The following EEF1AKMT1 variants were observed in gnomAD, a reference collection of about 807,000 sequenced individuals.
The protein encoded by EEF1AKMT1 is EEF1A lysine methyltransferase 1, also known as N-6 adenine-specific DNA methyltransferase 2 (putative).
In EEF1AKMT1, 18 loss-of-function variants were observed where a neutral mutation model predicts 21.0. That is an observed-to-expected ratio of 0.86 (90% CI 0.59 to 1.27). The LOEUF is 1.27. EEF1AKMT1 is among the 50% of genes most tolerant of loss of function. The probability of loss-of-function intolerance (pLI) is 0.00; values close to 1 mark genes in which losing one functional copy is unlikely to be tolerated. For missense variants in EEF1AKMT1, 246 were observed against 258.6 expected, an observed-to-expected ratio of 0.95 and a Z score of 0.33; for synonymous variants, 109 against 94.8, an observed-to-expected ratio of 1.15 and a Z score of -0.87.
intron 4 of EEF1AKMT1, among the ~76,000 whole-genome samples, chr13:20,730,571 A>T (rs2058786917): frequency 6.6e-6 from 1 of 152,176 alleles, no homozygotes. Flanking sequence ...GCACCATCAG[A>T]GCTCACTGTA....
chr13:20,731,820 G>C, intron 4 of EEF1AKMT1, 21 bp downstream of exon 4: 2 of 1,598,340 alleles, frequency 1.3e-6, no homozygotes, highest in Non-Finnish European at 1.7e-6. Flanking sequence ...ACTTTGATGA[G>C]ATATGAAATG....
intron 4 of EEF1AKMT1, among the ~76,000 whole-genome samples, chr13:20,730,806 G>C (rs1439933452): frequency 6.6e-6 from 1 of 152,174 alleles, no homozygotes; most frequent in African/African-American, 2.4e-5. Context: ...ACAAACGAGG[G>C]AATAAAAGCT....
chr13:20,750,585 T>C (rs1163130487), intron 2 of EEF1AKMT1, among the ~76,000 whole-genome samples: 3 of 152,202 alleles, frequency 2.0e-5, no homozygotes, highest in Non-Finnish European at 2.9e-5. Flanking sequence ...TCTTTATCCA[T>C]TAATTTATTG....
chr13:20,754,930 G>A (rs555255791), intron 2 of EEF1AKMT1, among the ~76,000 whole-genome samples: 1 of 151,942 alleles, frequency 6.6e-6, no homozygotes, highest in East Asian at 1.9e-4. Flanking sequence ...GCCACTTATG[G>A]TTTTCCTTTA....
rs1308858151 is a variant in EEF1AKMT1, at chr13:20,732,040, T to G, written c.309A>C (p.Glu103Asp). 1 of 1,614,238 alleles carries G rather than the reference T, an allele frequency of 6.2e-7. No homozygotes were observed. Among genetic ancestry groups the G allele is most frequent in the Non-Finnish European group, 8.5e-7 (1 of 1,180,048 alleles). The change falls in exon 4 of 5, where the codon GAA becomes GAC. Residue 103 changes from glutamate (E) to aspartate (D), a missense_variant. Coordinates refer to ENST00000382758, the MANE Select transcript of EEF1AKMT1 (RefSeq NM_001318939.2). Reference sequence around the variant, plus strand: ...CATACATGGCAAATCTTTTGTCATATTCAAAGATGTATATCGAAAAGTTTT... The same window carrying G: ...CATACATGGCAAATCTTTTGTCATAGTCAAAGATGTATATCGAAAAGTTTT... Reference protein sequence around the residue: ...CRENFSIYIFEYDKRFAMYGE... With the variant: ...CRENFSIYIFDYDKRFAMYGE...
Position 20,731,998 on chromosome 13 carries a change from G to A in EEF1AKMT1, c.351C>T (p.Phe117=), listed in dbSNP as rs1488882254. The A allele has an allele frequency of 1.9e-6, 3 of 1,614,188 alleles. No individual in the cohort carries two copies. ...AGTCCAATGGATTATTGTAATCATA[G>A]AAAATAAACTCCTCTCCATACATGG... is the stretch of plus-strand genomic sequence containing the variant. ...RFAMYGEEFI[F]YDYNNPLDLP... Residue 117 remains phenylalanine (F), a synonymous_variant, in exon 4 of 5, where the codon TTC becomes TTT. Transcript: ENST00000382758.
At chr13:20,745,603 C>G (rs1180651670) in intron 2 of EEF1AKMT1, among the ~76,000 whole-genome samples, 2 of 152,174 alleles carry the variant, frequency 1.3e-5, no homozygotes, top group African/African-American at 4.8e-5. Flanking sequence ...GTAATCCCAG[C>G]ACTTTGGGAG....
intron 2 of EEF1AKMT1, among the ~76,000 whole-genome samples, chr13:20,741,216 C>T (rs568311550): frequency 1.2e-4 from 18 of 151,688 alleles, no homozygotes; most frequent in Non-Finnish European, 1.8e-4. Context: ...AAGCAGAAAT[C>T]GGCCCATGAG....
At chr13:20,731,160 T>A (rs948336531) in intron 4 of EEF1AKMT1, among the ~76,000 whole-genome samples, 1 of 146,266 alleles carries the variant, frequency 6.8e-6, no homozygotes, top group Admixed American at 6.9e-5. Context: ...GGGAGGCCCA[T>A]GCAACCACAC....
At chr13:20,748,726 GTTTTT>G (rs750094631) in intron 2 of EEF1AKMT1, among the ~76,000 whole-genome samples, 1 of 72,612 alleles carries the variant, frequency 1.4e-5, no homozygotes, top group Non-Finnish European at 2.2e-5. Context: ...TTTTTTTTTG[GTTTTT>G]TTTTTTTTTT....
chr13:20,744,030 C>G (rs953366404), intron 2 of EEF1AKMT1, among the ~76,000 whole-genome samples: 1 of 152,100 alleles, frequency 6.6e-6, no homozygotes, highest in African/African-American at 2.4e-5. Flanking sequence ...TGAACTCATC[C>G]TTTTTTATGG....
chr13:20,770,395 A>T (rs1029669226), intron 1 of EEF1AKMT1, among the ~76,000 whole-genome samples: 7 of 152,180 alleles, frequency 4.6e-5, no homozygotes, highest in African/African-American at 1.7e-4. Flanking sequence ...TATACTTAGA[A>T]CTAAAAATAA....
chr13:20,732,651 G>A (rs372632010), intron 3 of EEF1AKMT1, among the ~76,000 whole-genome samples: 4 of 152,030 alleles, frequency 2.6e-5, no homozygotes, highest in African/African-American at 9.7e-5. Context: ...ATAATTTTGA[G>A]GTATGAAAGG....
chr13:20,754,631 G>A (rs545118325), intron 2 of EEF1AKMT1, among the ~76,000 whole-genome samples: 30 of 151,678 alleles, frequency 2.0e-4, no homozygotes, highest in African/African-American at 2.7e-4. Flanking sequence ...TTTAAAAGCC[G>A]GGCACAGTAG....
chr13:20,748,847 A>G (rs2058925672), intron 2 of EEF1AKMT1, among the ~76,000 whole-genome samples: 1 of 145,792 alleles, frequency 6.9e-6, no homozygotes. Context: ...CTCCCACCTC[A>G]GGCTCCCAAG....
intron 4 of EEF1AKMT1, 85 bp from the exon 5 acceptor site, chr13:20,729,301 C>T (rs367649627): frequency 1.9e-5 from 29 of 1,508,162 alleles, no homozygotes; most frequent in Non-Finnish European, 2.5e-5. Flanking sequence ...GGGCTCTAGG[C>T]GGACCACCGG....
At chr13:20,758,817 AAC>A (rs2058984483) in intron 1 of EEF1AKMT1, among the ~76,000 whole-genome samples, 1 of 152,230 alleles carries the variant, frequency 6.6e-6, no homozygotes, top group Non-Finnish European at 1.5e-5. Context: ...CAGATAAAAA[AAC>A]AGATACATAA....
chr13:20,765,062 C>A (rs1595030764), intron 1 of EEF1AKMT1, among the ~76,000 whole-genome samples: 1 of 152,006 alleles, frequency 6.6e-6, no homozygotes, highest in Non-Finnish European at 1.5e-5. Flanking sequence ...GAGTTTGAGA[C>A]CAGCCTGGTC....
At chr13:20,762,195 T>A (rs76143642) in intron 1 of EEF1AKMT1, among the ~76,000 whole-genome samples, 5 of 131,544 alleles carry the variant, frequency 3.8e-5, no homozygotes, top group Non-Finnish European at 6.3e-5. Flanking sequence ...TTTTTTTTTT[T>A]AATTTGAGGC....
Sources: allele counts gnomAD v4.1 joint callset (sites outside exome capture counted in the v4.1 genomes callset), GRCh38; gene constraint gnomAD v4.1.1; transcripts MANE v1.5; gene names NCBI Gene and HGNC (gene_info 2026-07-23, HGNC 2026-07-21).